ANKS1B: variants seen among roughly 807,000 people sequenced by gnomAD.
The protein encoded by ANKS1B is ankyrin repeat and sterile alpha motif domain containing 1B, also known as ankyrin repeat and sterile alpha motif domain-containing protein 1B.
Under a neutral mutation model 148.3 loss-of-function variants are expected in ANKS1B, and 36 were observed. The ratio of observed to expected loss-of-function variants is 0.24; its 90% confidence interval spans 0.19 to 0.32. The LOEUF is 0.32. ANKS1B is among the 10% of genes least tolerant of loss of function. ANKS1B has a pLI of 1.00. For synonymous variants in ANKS1B, 542 were observed against 560.8 expected (o/e 0.97, Z 0.47); for missense variants, 1,157 against 1,542.6 (o/e 0.75, Z 4.19).
At chr12:99,390,858 A>T (rs868313178) in intron 12 of ANKS1B, among the ~76,000 whole-genome samples, 8 of 152,188 alleles carry the variant, frequency 5.3e-5, no homozygotes, top group Non-Finnish European at 4.4e-5. Flanking sequence ...GCAAGGGGAG[A>T]GGTGACCGCT....
At position 98,755,111 on chromosome 12, in the gene ANKS1B, G is replaced by C. The variant is rs77566810; in HGVS notation, c.3580-3589C>G. ...CTGTGTTGCCCATCCCGACACACCA[G>C]GGCCCTTTCGGGGAAACAGATGCTC... On this transcript the variant is annotated intron_variant, in intron 25 of 26. Transcript: ENST00000683438. 1.8e-3 allele frequency among the ~76,000 whole-genome samples: 278 copies of C among 152,114 alleles called. 2 individuals carry two copies. Among genetic ancestry groups the C allele is most frequent in the African/African-American group, 5.7e-3 (236 of 41,480 alleles).
intron 17 of ANKS1B, among the ~76,000 whole-genome samples, chr12:98,996,884 T>TAACTGA (rs1488169074): frequency 2.1e-5 from 3 of 145,116 alleles, no homozygotes; most frequent in Admixed American, 6.9e-5. Context: ...TGTTTGTTGA[T>TAACTGA]AACTGAAGTA....
intron 15 of ANKS1B, among the ~76,000 whole-genome samples, chr12:99,141,405 T>C (rs896974259): frequency 1.4e-5 from 2 of 147,220 alleles, no homozygotes; most frequent in Admixed American, 6.8e-5. Flanking sequence ...TCTCATTTCT[T>C]TTTTTTTTTT....
intron 12 of ANKS1B, among the ~76,000 whole-genome samples, chr12:99,260,509 T>A (rs2075810141): frequency 6.6e-6 from 1 of 152,270 alleles, no homozygotes; most frequent in Non-Finnish European, 1.5e-5. Flanking sequence ...TTATCAAAAG[T>A]GTAATACTAT....
chr12:99,838,514 G>A (rs976433593), intron 1 of ANKS1B, among the ~76,000 whole-genome samples: 1 of 151,884 alleles, frequency 6.6e-6, no homozygotes, highest in African/African-American at 2.4e-5. Flanking sequence ...CATTCTTACT[G>A]ATTTGAAGAA....
At chr12:99,120,987 T>C (rs1010042216) in intron 15 of ANKS1B, among the ~76,000 whole-genome samples, 2 of 152,134 alleles carry the variant, frequency 1.3e-5, no homozygotes, top group African/African-American at 2.4e-5. Flanking sequence ...AAGAGAATGA[T>C]GACTAACCTA....
chr12:99,066,086 AG>A (rs1285502738), intron 16 of ANKS1B, among the ~76,000 whole-genome samples: 1 of 151,960 alleles, frequency 6.6e-6, no homozygotes, highest in African/African-American at 2.4e-5. Context: ...GAGGCCGAGG[AG>A]GGCAGATTGC....
chr12:99,914,266 C>A (rs565733450), intron 1 of ANKS1B, among the ~76,000 whole-genome samples: 1 of 152,244 alleles, frequency 6.6e-6, no homozygotes, highest in South Asian at 2.1e-4. Flanking sequence ...CAGCAAGGAT[C>A]CAATTTCTAG....
At chr12:99,625,538 C>G (rs1598358072) in intron 9 of ANKS1B, among the ~76,000 whole-genome samples, 2 of 152,040 alleles carry the variant, frequency 1.3e-5, no homozygotes, top group African/African-American at 2.4e-5. Flanking sequence ...TGATACATAG[C>G]AAGAGAACAA....
At chr12:99,537,855 C>A (rs887781907) in intron 9 of ANKS1B, among the ~76,000 whole-genome samples, 1 of 151,988 alleles carries the variant, frequency 6.6e-6, no homozygotes, top group African/African-American at 2.4e-5. Flanking sequence ...TGGAGAATTT[C>A]CCCAAAGTTT....
intron 12 of ANKS1B, among the ~76,000 whole-genome samples, chr12:99,374,968 T>C (rs1374911931): frequency 1.3e-5 from 2 of 152,208 alleles, no homozygotes; most frequent in Non-Finnish European, 2.9e-5. Flanking sequence ...TTTTCTGTTG[T>C]AAAGTAATAA....
intron 18 of ANKS1B, chr12:98,831,320 T>C (rs1233531547): frequency 1.3e-5 from 2 of 152,310 alleles, no homozygotes; most frequent in East Asian, 3.9e-4. Flanking sequence ...GATTCTCTAT[T>C]CTGAATTTTT....
intron 15 of ANKS1B, among the ~76,000 whole-genome samples, chr12:99,139,690 G>A (rs2069896415): frequency 6.6e-6 from 1 of 151,722 alleles, no homozygotes; most frequent in Non-Finnish European, 1.5e-5. Context: ...TTGCTGTTAA[G>A]TATGCTAGTC....
chr12:99,435,960 CTTCT>C (rs373325062), intron 11 of ANKS1B, among the ~76,000 whole-genome samples: 1 of 151,426 alleles, frequency 6.6e-6, no homozygotes. Context: ...GTCCTGTTGC[CTTCT>C]TTCTCATTTT....
At chr12:99,443,460 C>G (rs943658114) in intron 11 of ANKS1B, among the ~76,000 whole-genome samples, 1 of 151,898 alleles carries the variant, frequency 6.6e-6, no homozygotes, top group Non-Finnish European at 1.5e-5. Context: ...ATGTAACAGG[C>G]ACAATTCATT....
At chr12:98,873,021 G>C (rs185813261) in intron 17 of ANKS1B, among the ~76,000 whole-genome samples, 7 of 152,184 alleles carry the variant, frequency 4.6e-5, no homozygotes, top group Admixed American at 4.6e-4. Context: ...CATCTTGTAA[G>C]ACTATACTTT....
intron 1 of ANKS1B, among the ~76,000 whole-genome samples, chr12:99,879,379 T>C (rs1183253038): frequency 1.3e-5 from 2 of 152,208 alleles, no homozygotes; most frequent in Non-Finnish European, 2.9e-5. Context: ...GGTTCAGTTC[T>C]TCACAGATTA....
chr12:99,252,744 C>T (rs1189978342), intron 12 of ANKS1B, among the ~76,000 whole-genome samples: 1 of 152,190 alleles, frequency 6.6e-6, no homozygotes, highest in African/African-American at 2.4e-5. Flanking sequence ...ACTAGCAGAA[C>T]TTGTACACAT....
intron 12 of ANKS1B, among the ~76,000 whole-genome samples, chr12:99,374,202 C>T (rs774481135): frequency 3.9e-5 from 6 of 152,098 alleles, no homozygotes; most frequent in Non-Finnish European, 8.8e-5. Flanking sequence ...AAGAATAGTA[C>T]AGCAGGCCCT....
Sources: gnomAD v4.1 joint callset for allele counts (sites outside exome capture counted in the v4.1 genomes callset) on GRCh38, gnomAD v4.1.1 for gene constraint, MANE v1.5 for transcripts, NCBI Gene and HGNC (gene_info 2026-07-23, HGNC 2026-07-21) for gene names.